Variants in DOCK8 observed in about 807,000 individuals in gnomAD.
The protein encoded by DOCK8 is dedicator of cytokinesis 8, also known as dedicator of cytokinesis protein 8.
In DOCK8, 141 loss-of-function variants were observed where a neutral mutation model predicts 245.6. The observed-to-expected ratio is 0.57, with a 90% CI of 0.50 to 0.66. DOCK8 has a LOEUF of 0.66. Ranked by LOEUF, DOCK8 falls within the 30% of genes least tolerant of loss-of-function variation. The probability of loss-of-function intolerance (pLI) is 0.00; values close to 1 mark genes in which losing one functional copy is unlikely to be tolerated. For missense variants in DOCK8, 2,965 were observed against 2,603.4 expected (o/e 1.14, Z -3.02); for synonymous variants, 1,168 against 970.2 (o/e 1.20, Z -3.79).
At chr9:460,851 G>A (rs867440570) in intron 46 of DOCK8, among the ~76,000 whole-genome samples, 4 of 152,198 alleles carry the variant, frequency 2.6e-5, no homozygotes, top group Non-Finnish European at 5.9e-5. Context: ...CAATGTCTGG[G>A]TATCTCCATA....
chr9:325,236 G>C (rs1389298040), intron 7 of DOCK8, among the ~76,000 whole-genome samples: 1 of 152,174 alleles, frequency 6.6e-6, no homozygotes, highest in African/African-American at 2.4e-5. Context: ...AATTAGGTTG[G>C]TTGTTGGTTC....
chr9:452,183 C>A, intron 46 of DOCK8, 66 bp downstream of exon 46: 2 of 1,014,118 alleles, frequency 2.0e-6, no homozygotes, highest in African/African-American at 1.6e-5. Context: ...CTTAGACCAG[C>A]AGCTTCAGCA....
chr9:244,044 C>T (rs937536568), intron 1 of DOCK8, among the ~76,000 whole-genome samples: 3 of 151,914 alleles, frequency 2.0e-5, no homozygotes, highest in South Asian at 2.1e-4. Flanking sequence ...AAAATTTAGC[C>T]GGGCGTGGCG....
At chr9:421,973 C>A in intron 32 of DOCK8, 75 bp from the exon 33 acceptor site, 1 of 1,290,264 alleles carries the variant, frequency 7.8e-7, no homozygotes, top group Non-Finnish European at 1.1e-6. Flanking sequence ...CTCAGTTGAG[C>A]TTGTTATGAA....
chr9:266,507 A>C (rs1179165086), intron 1 of DOCK8, among the ~76,000 whole-genome samples: 1 of 152,206 alleles, frequency 6.6e-6, no homozygotes, highest in African/African-American at 2.4e-5. Context: ...ATACCACAAG[A>C]GATGCTAATA....
chr9:235,152 T>G (rs952166201), intron 1 of DOCK8, among the ~76,000 whole-genome samples: 3 of 152,222 alleles, frequency 2.0e-5, no homozygotes, highest in African/African-American at 7.2e-5. Flanking sequence ...TGGAGTTTGC[T>G]AGAGGTCCAC....
chr9:324,819 A>G (rs909122486), intron 7 of DOCK8, among the ~76,000 whole-genome samples: 6 of 152,158 alleles, frequency 3.9e-5, no homozygotes, highest in African/African-American at 1.4e-4. Context: ...TACAGATTCT[A>G]TCCTTTAAAT....
chr9:432,308 C>T lies in DOCK8; in HGVS notation c.4769C>T (p.Thr1590Ile). The change falls in exon 37 of 48, where the codon ACT becomes ATT. Residue 1590 changes from threonine (T) to isoleucine (I), a missense_variant. By Grantham distance (89) the Thr-to-Ile change is moderately conservative. Transcript: ENST00000432829. ...GAAGAGGACACAGCCATGCAGATGA[C>T]TCCTTTTCCCACCCAGGTACACCGA... ...YSEEDTAMQM[T>I]PFPTQVEELL... The T allele has an allele frequency of 6.2e-7, 1 of 1,614,114 alleles. No individual in the cohort carries two copies. The highest frequency in any genetic ancestry group is 8.5e-7 in the Non-Finnish European group (1 of 1,180,028).
chr9:369,215 A>G (rs899045099), intron 15 of DOCK8: 16 of 152,156 alleles, frequency 1.1e-4, no homozygotes, highest in Non-Finnish European at 1.8e-4. Flanking sequence ...TGTCTTCCCA[A>G]TGCAAGGTGT....
At chr9:392,067 G>C (rs1359240646) in intron 24 of DOCK8, among the ~76,000 whole-genome samples, 1 of 151,404 alleles carries the variant, frequency 6.6e-6, no homozygotes, top group African/African-American at 2.4e-5. Flanking sequence ...GAACCTGGGA[G>C]GCAGAGGCAG....
chr9:390,328 C>T (rs2054134342), intron 23 of DOCK8, 143 bp from the exon 24 acceptor site: 3 of 767,494 alleles, frequency 3.9e-6, no homozygotes, highest in Non-Finnish European at 2.2e-6. Context: ...TGCCATCCAC[C>T]ACTTACTGCC....
intron 43 of DOCK8, among the ~76,000 whole-genome samples, 171 bp from the exon 44 acceptor site, chr9:446,199 G>C (rs368480974): frequency 1.3e-5 from 2 of 152,184 alleles, no homozygotes; most frequent in East Asian, 1.9e-4. Context: ...TCTGTCCTTG[G>C]GGGTGGAGAG....
At chr9:311,215 G>A (rs1484577789) in intron 5 of DOCK8, among the ~76,000 whole-genome samples, 6 of 152,016 alleles carry the variant, frequency 3.9e-5, no homozygotes. Flanking sequence ...AACCTGGGAG[G>A]CGGAGGTTGC....
intron 4 of DOCK8, among the ~76,000 whole-genome samples, chr9:299,895 G>A (rs1436654169): frequency 2.0e-5 from 3 of 151,898 alleles, no homozygotes; most frequent in Non-Finnish European, 2.9e-5. Flanking sequence ...GGTGGTGGGC[G>A]CCTGTAGTCC....
At chr9:397,284 G>C (rs1382707978) in intron 25 of DOCK8, among the ~76,000 whole-genome samples, 1 of 150,880 alleles carries the variant, frequency 6.6e-6, no homozygotes, top group Non-Finnish European at 1.5e-5. Context: ...CTGGGAGACA[G>C]AGGTTGCAGT....
intron 14 of DOCK8, among the ~76,000 whole-genome samples, chr9:349,668 G>A (rs998232218): frequency 5.3e-5 from 8 of 152,144 alleles, no homozygotes; most frequent in South Asian, 2.1e-4. Flanking sequence ...GTTTAGCAGC[G>A]TTTCTAAACT....
chr9:214,326 T>C (rs528691506), upstream of DOCK8: 6 of 612,602 alleles, frequency 9.8e-6, no homozygotes, highest in East Asian at 6.6e-5. Flanking sequence ...AAAACATTTT[T>C]TGAGAACTCA....
At chr9:416,298 C>G (rs553150485) in intron 29 of DOCK8, among the ~76,000 whole-genome samples, 1 of 152,212 alleles carries the variant, frequency 6.6e-6, no homozygotes, top group African/African-American at 2.4e-5. Flanking sequence ...TGGCATGTGA[C>G]TTGTAGCCCA....
At chr9:432,345 T>C in intron 37 of DOCK8, 21 bp downstream of exon 37, 1 of 1,613,518 alleles carries the variant, frequency 6.2e-7, no homozygotes, top group Non-Finnish European at 8.5e-7. Context: ...GCACATACCT[T>C]GTCTCATGCA....
Sources: allele counts gnomAD v4.1 joint callset (sites outside exome capture counted in the v4.1 genomes callset), GRCh38; gene constraint gnomAD v4.1.1; transcripts MANE v1.5; gene names NCBI Gene and HGNC (gene_info 2026-07-23, HGNC 2026-07-21).